ANKS1B: variants seen among roughly 807,000 people sequenced by gnomAD.
The protein encoded by ANKS1B is ankyrin repeat and sterile alpha motif domain containing 1B.
ANKS1B carries 36 observed loss-of-function variants against 148.3 expected under a neutral mutation model. The ratio of observed to expected loss-of-function variants is 0.24; its 90% CI spans 0.19 to 0.32. ANKS1B has a LOEUF of 0.32. Among genes scored for constraint, ANKS1B ranks in the 10% least tolerant of loss-of-function variants. The pLI is 1.00. For synonymous variants in ANKS1B, 542 were observed against 560.8 expected (o/e 0.97, Z 0.47); for missense variants, 1,157 against 1,542.6 (o/e 0.75, Z 4.19).
intron 1 of ANKS1B, among the ~76,000 whole-genome samples, chr12:99,891,773 A>G (rs1052181178): frequency 6.6e-5 from 10 of 152,326 alleles, no homozygotes; most frequent in Non-Finnish European, 1.3e-4. Context: ...TGGGTTTGAT[A>G]ATGCTATTGC....
chr12:99,440,546 C>G (rs1278237744), intron 11 of ANKS1B, among the ~76,000 whole-genome samples: 1 of 151,630 alleles, frequency 6.6e-6, no homozygotes, highest in Non-Finnish European at 1.5e-5. Flanking sequence ...TAGATTGCTT[C>G]ACAATCTAGA....
At chr12:99,925,194 C>G (rs894827526) in intron 1 of ANKS1B, among the ~76,000 whole-genome samples, 2 of 152,062 alleles carry the variant, frequency 1.3e-5, no homozygotes, top group African/African-American at 2.4e-5. Flanking sequence ...AACAGAAAGC[C>G]CTAGGAGCCA....
intron 17 of ANKS1B, among the ~76,000 whole-genome samples, chr12:98,957,739 C>T (rs2099864880): frequency 6.6e-6 from 1 of 152,090 alleles, no homozygotes; most frequent in Admixed American, 6.5e-5. Flanking sequence ...GCATAGCTAG[C>T]TTACAATTTT....
At chr12:99,221,622 C>T (rs1251127473) in intron 14 of ANKS1B, among the ~76,000 whole-genome samples, 1 of 152,086 alleles carries the variant, frequency 6.6e-6, no homozygotes, top group Non-Finnish European at 1.5e-5. Flanking sequence ...ATACAAGAAA[C>T]AGCACAAAGA....
intron 8 of ANKS1B, among the ~76,000 whole-genome samples, chr12:99,696,592 C>T (rs1209142171): frequency 6.6e-6 from 1 of 151,612 alleles, no homozygotes; most frequent in Non-Finnish European, 1.5e-5. Context: ...GATCATAAGC[C>T]TAAATGTAAA....
At chr12:99,565,654 C>T (rs2097383189) in intron 9 of ANKS1B, among the ~76,000 whole-genome samples, 1 of 152,130 alleles carries the variant, frequency 6.6e-6, no homozygotes, top group Non-Finnish European at 1.5e-5. Context: ...TGAAAGGTAA[C>T]ACATGTTTGT....
chr12:98,867,759 G>A (rs989909231), intron 17 of ANKS1B, among the ~76,000 whole-genome samples: 1 of 151,940 alleles, frequency 6.6e-6, no homozygotes, highest in African/African-American at 2.4e-5. Context: ...CTACTTGGGA[G>A]GCTGAGGCAG....
intron 12 of ANKS1B, among the ~76,000 whole-genome samples, chr12:99,255,319 A>G (rs758947905): frequency 5.9e-5 from 9 of 152,184 alleles, no homozygotes; most frequent in Non-Finnish European, 1.2e-4. Flanking sequence ...GGTTTTTTGT[A>G]TCTGTAGATT....
chr12:99,666,895 T>TGTGTGTGTGTGG (rs374573568), intron 8 of ANKS1B, among the ~76,000 whole-genome samples: 6 of 144,756 alleles, frequency 4.1e-5, no homozygotes, highest in Admixed American at 7.0e-5. Context: ...TGTGTGTGTG[T>TGTGTGTGTGTGG]GGTGAGGACA....
At chr12:99,911,410 T>C (rs1001318564) in intron 1 of ANKS1B, among the ~76,000 whole-genome samples, 3 of 152,216 alleles carry the variant, frequency 2.0e-5, no homozygotes, top group Non-Finnish European at 2.9e-5. Flanking sequence ...CAAGGTCCTA[T>C]CAGCTTAAAA....
chr12:99,950,201 T>C (rs1475488547), intron 1 of ANKS1B, among the ~76,000 whole-genome samples: 2 of 137,954 alleles, frequency 1.4e-5, no homozygotes, highest in African/African-American at 5.4e-5. Context: ...GCTCAAACAA[T>C]CACCTGCCTA....
At chr12:99,428,763 A>C (rs143850550) in intron 11 of ANKS1B, among the ~76,000 whole-genome samples, 78 of 152,264 alleles carry the variant, frequency 5.1e-4, no homozygotes, top group Admixed American at 9.2e-4. Context: ...GTAGTGCCTA[A>C]ATCTTGGCAT....
chr12:99,521,601 T>C (rs1002050878), intron 9 of ANKS1B, among the ~76,000 whole-genome samples: 5 of 152,220 alleles, frequency 3.3e-5, no homozygotes, highest in African/African-American at 1.2e-4. Flanking sequence ...TTTTGCAGAC[T>C]CATAGAAGTA....
intron 17 of ANKS1B, among the ~76,000 whole-genome samples, chr12:98,840,096 G>A (rs1184768585): frequency 2.0e-5 from 3 of 152,140 alleles, no homozygotes; most frequent in Non-Finnish European, 4.4e-5. Context: ...AAATGAAGCA[G>A]GGGAGATGTC....
rs767112304 is a variant in ANKS1B, at chr12:98,745,771, T to C, written c.3826A>G (p.Ile1276Val). ...ATCGTGGTTTCATACTTGGTATTAATGCCCCTCTTGGCTTCTTGGCCCGGC... is the reference window on the plus strand; with the variant it reads ...ATCGTGGTTTCATACTTGGTATTAACGCCCCTCTTGGCTTCTTGGCCCGGC... Reference protein sequence around the residue: ...VEPGQEAKRGINTKYETTIF With the variant: ...VEPGQEAKRGVNTKYETTIF Residue 1276 changes from isoleucine (I) to valine (V), a missense_variant, in exon 27 of 27, where the codon ATT (isoleucine) becomes GTT (valine). Coordinates refer to ENST00000683438, the MANE Select transcript of ANKS1B (RefSeq NM_001352186.2). 6.2e-7 allele frequency: 1 copy of C among 1,613,848 alleles called. No homozygotes were observed. Among genetic ancestry groups the C allele is most frequent in the East Asian group, 2.2e-5 (1 of 44,858 alleles).
intron 8 of ANKS1B, among the ~76,000 whole-genome samples, chr12:99,666,400 T>C (rs74385929): frequency 0.035 from 5,334 of 152,254 alleles, 345 homozygotes; most frequent in African/African-American, 0.12. Context: ...CTAAACCACA[T>C]TGTCCTTCAT....
intron 10 of ANKS1B, among the ~76,000 whole-genome samples, chr12:99,500,449 T>C (rs1421396808): frequency 6.6e-6 from 1 of 152,176 alleles, no homozygotes; most frequent in African/African-American, 2.4e-5. Flanking sequence ...CCATATGAGC[T>C]GGCCATCTTA....
At chr12:99,712,666 T>C (rs2153538544) in intron 8 of ANKS1B, among the ~76,000 whole-genome samples, 1 of 152,346 alleles carries the variant, frequency 6.6e-6, no homozygotes, top group South Asian at 2.1e-4. Flanking sequence ...TCTGTGGATC[T>C]GTGAAGCTAG....
chr12:99,533,389 A>G (rs933538208), intron 9 of ANKS1B, among the ~76,000 whole-genome samples: 3 of 152,176 alleles, frequency 2.0e-5, no homozygotes, highest in African/African-American at 7.2e-5. Context: ...TTGATTTTGT[A>G]ATCTGAGACT....
Sources: allele counts gnomAD v4.1 joint callset (sites outside exome capture counted in the v4.1 genomes callset), GRCh38; gene constraint gnomAD v4.1.1; transcripts MANE v1.5; gene names NCBI Gene and HGNC (gene_info 2026-07-23, HGNC 2026-07-21).